ITPR2: variants seen among roughly 807,000 people sequenced by gnomAD.
The protein encoded by ITPR2 is inositol 1,4,5-trisphosphate receptor type 2.
Under a neutral mutation model 317.1 loss-of-function variants are expected in ITPR2, and 207 were observed. The ratio of observed to expected loss-of-function variants is 0.65; its 90% CI spans 0.58 to 0.73. ITPR2 has a LOEUF of 0.73. ITPR2 is among the 30% of genes least tolerant of loss of function. The probability of loss-of-function intolerance (pLI) is 0.00; values close to 1 mark genes in which losing one functional copy is unlikely to be tolerated. For missense variants in ITPR2, 2,613 were observed against 3,284.0 expected, an observed-to-expected ratio of 0.80 and a Z score of 4.99; for synonymous variants, 1,156 against 1,149.1, an observed-to-expected ratio of 1.01 and a Z score of -0.12.
intron 1 of ITPR2, among the ~76,000 whole-genome samples, chr12:26,793,983 A>C (rs1950386373): frequency 6.6e-6 from 1 of 152,206 alleles, no homozygotes; most frequent in Non-Finnish European, 1.5e-5. Flanking sequence ...TGAGTAAGCC[A>C]AACAGGCAAT....
intron 1 of ITPR2, among the ~76,000 whole-genome samples, chr12:26,798,528 C>T (rs1950496506): frequency 1.3e-5 from 2 of 152,332 alleles, no homozygotes; most frequent in East Asian, 3.9e-4. Flanking sequence ...TTGTTCCATT[C>T]ATTCACCGTA....
chr12:26,795,191 A>G (rs1048049144), intron 1 of ITPR2, among the ~76,000 whole-genome samples: 2 of 152,252 alleles, frequency 1.3e-5, no homozygotes, highest in African/African-American at 2.4e-5. Flanking sequence ...GAAAGGATGA[A>G]CTATTAAATG....
In ITPR2 at chr12:26,833,040, C is replaced by T; in HGVS notation, c.-259G>A. 1 of 458,236 alleles carries T rather than the reference C, an allele frequency of 2.2e-6. No individual in the cohort carries two copies. Among genetic ancestry groups the T allele is most frequent in the Non-Finnish European group, 3.8e-6 (1 of 262,500 alleles). 28.4% of individuals were successfully genotyped at this position (458,236 alleles called of 1,614,324 possible). A position where few individuals can be genotyped will look rare whatever the true frequency, so the allele number is the denominator to read the frequency against. On this transcript the variant is annotated 5_prime_UTR_variant, in exon 1 of 57. Coordinates refer to ENST00000381340, the MANE Select transcript of ITPR2 (RefSeq NM_002223.4). ...CAGGCGCCCAGAGAAGCCGCAGCCG[C>T]CGCCGCCTCCCCGGCAGGTTTCCTG... is the stretch of plus-strand genomic sequence containing the variant.
At chr12:26,787,061 G>A (rs1950266918) in intron 2 of ITPR2, among the ~76,000 whole-genome samples, 2 of 152,160 alleles carry the variant, frequency 1.3e-5, no homozygotes, top group South Asian at 4.1e-4. Context: ...ATGGCCTAAG[G>A]CAAGAGCCGT....
intron 26 of ITPR2, among the ~76,000 whole-genome samples, chr12:26,617,019 C>T (rs1172621343): frequency 6.6e-6 from 1 of 152,130 alleles, no homozygotes; most frequent in East Asian, 1.9e-4. Flanking sequence ...TGTTAATTGA[C>T]TGTCTGTGTT....
In ITPR2 at chr12:26,521,238, C is replaced by CATGG. The variant is rs35059231; in HGVS notation, c.5074-25979_5074-25978insCCAT. Among the ~76,000 whole-genome samples the CATGG allele has an allele frequency of 7.9e-5, 12 of 152,240 alleles. 1 individual carries two copies. The South Asian group carries it at 2.3e-3, about 29-fold the overall frequency. On this transcript the variant is annotated intron_variant, in intron 37 of 56. Transcript: ENST00000381340. ...ATTTGCAAAGAAAAGTTCACACACT[C>CATGG]TTAACTGAAGTTCAGAAAACCATGA...
intron 13 of ITPR2, among the ~76,000 whole-genome samples, chr12:26,676,433 C>T (rs565029310): frequency 3.4e-5 from 5 of 148,276 alleles, no homozygotes; most frequent in Admixed American, 6.7e-5. Flanking sequence ...GCCAAGATCA[C>T]GCCACTGCAT....
chr12:26,648,432 A>C (rs1410011645), intron 21 of ITPR2, among the ~76,000 whole-genome samples: 1 of 152,186 alleles, frequency 6.6e-6, no homozygotes. Context: ...TTTTCCTGAC[A>C]TGATATGAGC....
At chr12:26,539,595 CA>C (rs1414586528) in intron 37 of ITPR2, among the ~76,000 whole-genome samples, 1 of 152,212 alleles carries the variant, frequency 6.6e-6, no homozygotes, top group Non-Finnish European at 1.5e-5. Flanking sequence ...ATTTGGTCAT[CA>C]TCTGCTCCAA....
chr12:26,344,711 T>G, intron 55 of ITPR2, among the ~76,000 whole-genome samples: 1 of 152,212 alleles, frequency 6.6e-6, no homozygotes, highest in East Asian at 1.9e-4. Context: ...TTGCTTGTGT[T>G]TACTATGTCT....
At position 26,622,223 on chromosome 12, in the gene ITPR2, G is replaced by A; in HGVS notation, c.3288+17C>T. 1 of 1,598,920 alleles carries A rather than the reference G, an allele frequency of 6.3e-7. No homozygotes were observed. Among genetic ancestry groups the A allele is most frequent in the South Asian group, 1.1e-5 (1 of 88,470 alleles). On this transcript the variant is annotated intron_variant, in intron 25 of 56. Coordinates refer to ENST00000381340, the MANE Select transcript of ITPR2 (RefSeq NM_002223.4). ...AGAGCTTTTGCTGTGGATGCATTGA[G>A]GGCTCTTCAATCTTACCTGCTTAAA...
intron 45 of ITPR2, among the ~76,000 whole-genome samples, chr12:26,468,292 CA>C (rs1189612233): frequency 6.6e-6 from 1 of 151,890 alleles, no homozygotes; most frequent in Non-Finnish European, 1.5e-5. Flanking sequence ...AAGTGCCTAG[CA>C]AGAAAGAAGA....
chr12:26,552,476 C>T (rs1251719735), intron 36 of ITPR2, among the ~76,000 whole-genome samples: 3 of 152,116 alleles, frequency 2.0e-5, no homozygotes, highest in Admixed American at 2.0e-4. Context: ...GCCATCACAC[C>T]CAGCTCAATG....
intron 9 of ITPR2, among the ~76,000 whole-genome samples, chr12:26,696,071 AAAAC>A (rs1490355496): frequency 6.6e-6 from 1 of 152,246 alleles, no homozygotes; most frequent in African/African-American, 2.4e-5. Context: ...AAGGAAAAGA[AAAAC>A]AAAACAGAGC....
intron 37 of ITPR2, among the ~76,000 whole-genome samples, chr12:26,535,563 G>T (rs1222052639): frequency 6.6e-6 from 1 of 152,176 alleles, no homozygotes; most frequent in African/African-American, 2.4e-5. Context: ...ACAGAAAGAA[G>T]AAACAGTTAT....
At chr12:26,545,386 G>A (rs550305867) in intron 37 of ITPR2, among the ~76,000 whole-genome samples, 12 of 151,986 alleles carry the variant, frequency 7.9e-5, no homozygotes, top group Non-Finnish European at 1.5e-4. Context: ...GAAGGGGGGC[G>A]GGAAATAGGG....
At chr12:26,427,403 C>CA (rs1941092212) in intron 49 of ITPR2, among the ~76,000 whole-genome samples, 2 of 152,132 alleles carry the variant, frequency 1.3e-5, no homozygotes, top group East Asian at 1.9e-4. Context: ...AAAATTCGGT[C>CA]AAAAAATTAA....
intron 37 of ITPR2, among the ~76,000 whole-genome samples, chr12:26,546,253 T>C (rs1248378416): frequency 6.6e-6 from 1 of 152,224 alleles, no homozygotes; most frequent in African/African-American, 2.4e-5. Flanking sequence ...TTTTGTTAAG[T>C]ATAGTCACCC....
Position 26,596,897 on chromosome 12 carries a change from C to A in ITPR2, c.4240G>T (p.Asp1414Tyr), listed in dbSNP as rs371626096. The A allele has an allele frequency of 6.4e-7, 1 of 1,552,178 alleles. No homozygotes were observed. The highest frequency in any genetic ancestry group is 1.3e-5 in the South Asian group (1 of 79,332). ...DDIVRVVTHDDCIPEVKIAYV... is the reference protein window; with the variant it reads ...DDIVRVVTHDYCIPEVKIAYV... ...GCCAGGCTTACCTCAGGGATGCAGT[C>A]GTCATGGGTCACCACCCTCACTATG... is the stretch of plus-strand genomic sequence containing the variant. The change falls in exon 31 of 57, where the codon GAC (aspartate) becomes TAC (tyrosine). Residue 1414 changes from aspartate (D) to tyrosine (Y), a missense_variant. By Grantham distance (160) the Asp-to-Tyr change is radical. This residue lies in a region of ITPR2 where 926 missense variants were observed against 1,072.8 expected (regional missense o/e 0.86). Transcript: ENST00000381340.
Sources: allele counts gnomAD v4.1 joint callset (sites outside exome capture counted in the v4.1 genomes callset), GRCh38; gene constraint gnomAD v4.1.1; regional missense constraint gnomAD v4.1.1; transcripts MANE v1.5; gene names NCBI Gene and HGNC (gene_info 2026-07-23, HGNC 2026-07-21).